The following PLXNA2 variants were observed in gnomAD, a reference collection of about 807,000 sequenced individuals.
The protein encoded by PLXNA2 is plexin A2.
Under a neutral mutation model 193.5 loss-of-function variants are expected in PLXNA2, and 91 were observed. That is an observed-to-expected ratio of 0.47 (90% CI 0.40 to 0.56). The LOEUF (loss-of-function observed/expected upper bound fraction) is 0.56, where lower values mean the gene tolerates loss of function less well. Among genes scored for constraint, PLXNA2 ranks in the 20% least tolerant of loss-of-function variants. The probability of loss-of-function intolerance (pLI) is 0.00; values close to 1 mark genes in which losing one functional copy is unlikely to be tolerated. For missense variants in PLXNA2, 1,995 were observed against 2,503.2 expected (o/e 0.80, Z 4.33); for synonymous variants, 997 against 1,027.3 (o/e 0.97, Z 0.56).
intron 29 of PLXNA2, chr1:208,029,557 G>T: frequency 2.0e-6 from 2 of 991,014 alleles, no homozygotes; most frequent in Non-Finnish European, 2.4e-6. Flanking sequence ...GGCCTGGCCT[G>T]GCTGGGCCGA....
chr1:208,088,393 G>C (rs964555006), intron 9 of PLXNA2, among the ~76,000 whole-genome samples: 5 of 152,246 alleles, frequency 3.3e-5, no homozygotes, highest in Non-Finnish European at 7.3e-5. Flanking sequence ...TTCAAAGAGA[G>C]AGCAGCCAGC....
intron 12 of PLXNA2, among the ~76,000 whole-genome samples, chr1:208,067,024 TA>T (rs1407309810): frequency 1.3e-5 from 2 of 152,182 alleles, no homozygotes; most frequent in African/African-American, 2.4e-5. Context: ...GTCAAAAGGT[TA>T]AAAAATTAAG....
intron 4 of PLXNA2, among the ~76,000 whole-genome samples, chr1:208,142,061 C>T (rs1384058015): frequency 1.3e-5 from 2 of 152,254 alleles, no homozygotes; most frequent in African/African-American, 4.8e-5. Flanking sequence ...CAAGCTGCTC[C>T]ACGCAGTCTG....
intron 2 of PLXNA2, among the ~76,000 whole-genome samples, chr1:208,214,618 C>T (rs1019675244): frequency 2.0e-5 from 3 of 152,126 alleles, no homozygotes; most frequent in Non-Finnish European, 2.9e-5. Context: ...GCCCCTTGGT[C>T]TCATATATTT....
intron 3 of PLXNA2, among the ~76,000 whole-genome samples, chr1:208,182,419 T>C (rs1050715069): frequency 2.0e-5 from 3 of 151,684 alleles, no homozygotes; most frequent in Non-Finnish European, 4.4e-5. Context: ...GGTGACAGAG[T>C]GATACTTTGT....
chr1:208,091,417 G>A (rs752772289), intron 9 of PLXNA2, among the ~76,000 whole-genome samples: 3 of 152,172 alleles, frequency 2.0e-5, no homozygotes, highest in Non-Finnish European at 4.4e-5. Flanking sequence ...TGACACAATT[G>A]CCATCAATGG....
rs1294962101 is a variant in PLXNA2, at chr1:208,028,971, A to G, written c.5297T>C (p.Ile1766Thr). The G allele has an allele frequency of 2.2e-5, 36 of 1,613,858 alleles. No homozygotes were observed. The highest frequency in any genetic ancestry group is 2.9e-5 in the Non-Finnish European group (34 of 1,179,980). Residue 1766 changes from isoleucine (I) to threonine (T), a missense_variant, in exon 30 of 32, where the codon ATC becomes ACC. Physicochemically the swap from Ile to Thr is moderately conservative, Grantham distance 89 (BLOSUM62 -1). Around this residue, in one of 3 missense-constraint regions of PLXNA2, gnomAD observed 1,291 missense variants for 1,673.6 expected, o/e 0.77. Coordinates refer to ENST00000367033, the MANE Select transcript of PLXNA2 (RefSeq NM_025179.4). The surrounding 1 kb of genome is among the most constrained non-coding windows in gnomAD (Gnocchi z 4.2). ...QFVFDIHKGS[I>T]TDACLSVVAQ... is the part of the protein sequence containing the mutation. ...CACCACAGAGAGGCAGGCGTCCGTG[A>G]TGCTGCCCTTGTGGATGTCAAACAC...
chr1:208,235,645 G>A (rs1434953969), intron 1 of PLXNA2, among the ~76,000 whole-genome samples: 2 of 152,196 alleles, frequency 1.3e-5, no homozygotes, highest in Non-Finnish European at 2.9e-5. Flanking sequence ...TTAGGAAGTG[G>A]GAAGGGCTAC....
intron 3 of PLXNA2, among the ~76,000 whole-genome samples, chr1:208,146,498 T>C (rs1668604693): frequency 6.6e-6 from 1 of 152,150 alleles, no homozygotes; most frequent in Non-Finnish European, 1.5e-5. Flanking sequence ...GGAGAATGCC[T>C]TGGAAGTGAC....
intron 1 of PLXNA2, among the ~76,000 whole-genome samples, chr1:208,222,647 C>T (rs1319739278): frequency 6.6e-6 from 1 of 152,216 alleles, no homozygotes; most frequent in Non-Finnish European, 1.5e-5. Context: ...AAATGACAAT[C>T]AGGCGTTTCC....
chr1:208,183,420 G>A (rs952865285), intron 3 of PLXNA2, among the ~76,000 whole-genome samples: 2 of 152,190 alleles, frequency 1.3e-5, no homozygotes, highest in Non-Finnish European at 2.9e-5. Context: ...AGCCGGAAAG[G>A]AGGTCTGCAG....
intron 1 of PLXNA2, among the ~76,000 whole-genome samples, chr1:208,239,433 G>A (rs1271975881): frequency 1.3e-5 from 2 of 152,096 alleles, no homozygotes; most frequent in Non-Finnish European, 2.9e-5. Flanking sequence ...ATCTGTGCCT[G>A]TGCCCACATC....
intron 26 of PLXNA2, among the ~76,000 whole-genome samples, chr1:208,035,066 A>T (rs1225817886): frequency 1.3e-5 from 2 of 152,070 alleles, no homozygotes; most frequent in Admixed American, 6.6e-5. Flanking sequence ...TAAATTACAC[A>T]TGTGGCTTGC....
At chr1:208,234,669 C>T (rs1044316705) in intron 1 of PLXNA2, among the ~76,000 whole-genome samples, 11 of 152,228 alleles carry the variant, frequency 7.2e-5, no homozygotes, top group Admixed American at 4.6e-4. Context: ...GATGTGTCTG[C>T]TCCATCCATG....
chr1:208,125,839 G>A lies in PLXNA2; in HGVS notation c.1506+16490C>T, dbSNP rs186973680. Among the ~76,000 whole-genome samples the A allele has an allele frequency of 4.6e-5, 7 of 152,274 alleles. No individual in the cohort carries two copies. The East Asian group carries it at 1.4e-3, about 29-fold the overall frequency. On this transcript the variant is annotated intron_variant, in intron 4 of 31. Coordinates refer to ENST00000367033, the MANE Select transcript of PLXNA2 (RefSeq NM_025179.4). The stretch of plus-strand genomic sequence containing the variant: ...CCCCAAGTAGCTTAAAGCCTGATGG[G>A]GGAAGACACCACATGGATAGATCCG...
rs1038674484 is a variant in PLXNA2 at position 208,087,866 on chromosome 1, C to G, written c.2098-3286G>C. On this transcript the variant is annotated intron_variant, in intron 9 of 31. Transcript: ENST00000367033. ...GCTTGAGGATGGTGAAGGGTTTAAT[C>G]AGATACAATAAGGCCACTTCCAACC... 3.9e-5 allele frequency among the ~76,000 whole-genome samples: 6 copies of G among 152,188 alleles called. 1 individual carries two copies. The highest frequency in any genetic ancestry group is 2.6e-4 in the Admixed American group (4 of 15,294).
At chr1:208,060,867 G>T (rs766717265) in intron 12 of PLXNA2, 30 bp from the exon 13 acceptor site, 3 of 1,610,206 alleles carry the variant, frequency 1.9e-6, no homozygotes, top group South Asian at 2.2e-5. Flanking sequence ...TTAGCAATTT[G>T]GTTTGGTCAC....
intron 17 of PLXNA2, 90 bp from the exon 18 acceptor site, chr1:208,046,207 T>C (rs372045133): frequency 6.3e-6 from 9 of 1,439,576 alleles, no homozygotes; most frequent in East Asian, 4.9e-5. Flanking sequence ...CTCTCTGCTT[T>C]TGTGCCTCGT....
chr1:208,191,880 T>C (rs1317886774), intron 3 of PLXNA2, among the ~76,000 whole-genome samples: 1 of 152,082 alleles, frequency 6.6e-6, no homozygotes, highest in Admixed American at 6.5e-5. Context: ...GAGGGGTTCC[T>C]AGTCTGAGAA....
Sources: gnomAD v4.1 joint callset for allele counts (sites outside exome capture counted in the v4.1 genomes callset) on GRCh38, gnomAD v4.1.1 for gene constraint, gnomAD v4.1.1 regional missense constraint, Gnocchi (gnomAD v3.1) non-coding constraint, MANE v1.5 for transcripts, NCBI Gene and HGNC (gene_info 2026-07-23, HGNC 2026-07-21) for gene names.